The following LLGL2 variants were observed in gnomAD, a reference collection of about 807,000 sequenced individuals.
LLGL2 encodes LLGL scribble cell polarity complex component 2, also known as LLGL2, scribble cell polarity complex component.
LLGL2 carries 81 observed loss-of-function variants against 123.2 expected under a neutral mutation model. The observed-to-expected ratio is 0.66, with a 90% CI of 0.55 to 0.79. The LOEUF (loss-of-function observed/expected upper bound fraction) is 0.79. LLGL2 is among the 30% of genes least tolerant of loss of function. LLGL2 has a pLI of 0.00. For synonymous variants in LLGL2, 577 were observed against 594.1 expected (o/e 0.97, Z 0.42); for missense variants, 1,273 against 1,414.6 (o/e 0.90, Z 1.61).
At chr17:75,557,108 G>A (rs1033670805) in intron 3 of LLGL2, among the ~76,000 whole-genome samples, 4 of 147,194 alleles carry the variant, frequency 2.7e-5, no homozygotes, top group Non-Finnish European at 5.9e-5. Flanking sequence ...TGAACTCCTG[G>A]GCTCAAGCAA....
intron 10 of LLGL2, chr17:75,568,026 T>G: frequency 2.9e-5 from 30 of 1,019,288 alleles, no homozygotes; most frequent in Non-Finnish European, 3.3e-5. Flanking sequence ...CAGGCCTGAG[T>G]GAGGTGATGT....
chr17:75,547,202 TC>T (rs2054470375), intron 2 of LLGL2, among the ~76,000 whole-genome samples: 1 of 152,220 alleles, frequency 6.6e-6, no homozygotes, highest in South Asian at 2.1e-4. Flanking sequence ...ACGTCTTGTT[TC>T]TTTGGCTTCA....
Position 75,558,167 on chromosome 17 carries a change from A to G in LLGL2, c.186A>G (p.Pro62=), listed in dbSNP as rs2055004136. The G allele has an allele frequency of 6.2e-7, 1 of 1,613,762 alleles. No individual in the cohort carries two copies. Residue 62 remains proline (P), a synonymous_variant, in exon 4 of 26, where the codon CCA becomes CCG. Coordinates refer to ENST00000392550, the MANE Select transcript of LLGL2 (RefSeq NM_001031803.2). The surrounding 1 kb of genome is among the most constrained non-coding windows in gnomAD (Gnocchi z 4.0). The stretch of plus-strand genomic sequence containing the variant: ...AGCCTACTCCTAGCTACGGAGCCCC[A>G]GGCGTGGAGTTCATGGGGCTGCACC... ...RSGAIKLYGA[P]GVEFMGLHQE...
chr17:75,557,961 T>C, intron 3 of LLGL2, 194 bp from the exon 4 acceptor site: 5 of 695,534 alleles, frequency 7.2e-6, no homozygotes, highest in Non-Finnish European at 1.3e-5. Flanking sequence ...ATCAGGTCAC[T>C]GGCCTGGTGC....
chr17:75,570,864 C>A, intron 16 of LLGL2, 86 bp from the exon 17 acceptor site: 2 of 1,473,938 alleles, frequency 1.4e-6, no homozygotes, highest in Non-Finnish European at 1.8e-6. Context: ...GGCCTGCCTT[C>A]CGATGCAAGG....
At chr17:75,554,830 A>T (rs1010303991) in intron 2 of LLGL2, among the ~76,000 whole-genome samples, 1 of 150,616 alleles carries the variant, frequency 6.6e-6, no homozygotes, top group Non-Finnish European at 1.5e-5. Context: ...CGGAGCTTAT[A>T]GTGAGCTGAG....
rs149399124 is a variant in LLGL2, at chr17:75,570,145, G to A, written c.1764G>A (p.Pro588=). 48 of 1,591,516 alleles carry A rather than the reference G, an allele frequency of 3.0e-5. No homozygotes were observed. Among genetic ancestry groups the A allele is most frequent in the South Asian group, 1.8e-4 (16 of 88,430 alleles). Residue 588 remains proline (P), a synonymous_variant, in exon 15 of 26, where the codon CCG becomes CCA. Transcript: ENST00000392550. ...QPFVLVQCQP[P]AVVTSLALHS... is the part of the protein sequence containing the mutation. Reference sequence around the variant, plus strand: ...TCGTGTTGGTGCAGTGTCAGCCCCCGGCTGTGGTCACCTCCTTGGCCCTGC... The same window carrying A: ...TCGTGTTGGTGCAGTGTCAGCCCCCAGCTGTGGTCACCTCCTTGGCCCTGC...
At chr17:75,554,749 C>T (rs1448709051) in intron 2 of LLGL2, among the ~76,000 whole-genome samples, 1 of 147,076 alleles carries the variant, frequency 6.8e-6, no homozygotes, top group African/African-American at 2.5e-5. Flanking sequence ...ATTAGCCGGG[C>T]GTGGTGGCGG....
chr17:75,538,877 G>T (rs995112770), intron 1 of LLGL2, among the ~76,000 whole-genome samples: 6 of 151,920 alleles, frequency 3.9e-5, no homozygotes, highest in African/African-American at 1.5e-4. Flanking sequence ...CTGGATCTTC[G>T]CATCCTCTTT....
intron 2 of LLGL2, among the ~76,000 whole-genome samples, chr17:75,548,711 G>A (rs901649256): frequency 1.3e-5 from 2 of 150,120 alleles, no homozygotes; most frequent in African/African-American, 2.5e-5. Context: ...AGCCAAGATC[G>A]CGCCATTGCA....
In LLGL2 at chr17:75,573,121, C is replaced by G. The variant is rs758645564; in HGVS notation, c.2568C>G (p.Ala856=). ...TGGCCCACTTCGGCAGTCGTCGAGC[C>G]GAGGACTACGGGGAGCACCACCTGG... ...VSVAHFGSRR[A]EDYGEHHLAV... Residue 856 remains alanine, a synonymous_variant, in exon 20 of 26, where the codon GCC becomes GCG. Transcript: ENST00000392550. 1 of 1,613,006 alleles carries G rather than the reference C, an allele frequency of 6.2e-7. No individual in the cohort carries two copies.
At chr17:75,572,681 A>G (rs1348383525) in intron 19 of LLGL2, among the ~76,000 whole-genome samples, 3 of 147,590 alleles carry the variant, frequency 2.0e-5, no homozygotes, top group Non-Finnish European at 4.5e-5. Context: ...AAAAAAAAAA[A>G]CCAGCATGGT....
intron 1 of LLGL2, among the ~76,000 whole-genome samples, chr17:75,538,948 A>G (rs2054107723): frequency 6.6e-6 from 1 of 151,898 alleles, no homozygotes; most frequent in South Asian, 2.1e-4. Flanking sequence ...GCTGGAGTGC[A>G]GTGGTACAGT....
intron 1 of LLGL2, 33 bp from the exon 2 acceptor site, chr17:75,543,364 G>C: frequency 1.3e-6 from 2 of 1,506,328 alleles, no homozygotes; most frequent in Non-Finnish European, 1.8e-6. Context: ...TGAGTGCCAG[G>C]ACAGACCCCT....
In LLGL2 at chr17:75,569,149, G is replaced by A. The variant is rs755974967; in HGVS notation, c.1476+18G>A. On this transcript the variant is annotated intron_variant, in intron 13 of 25. Transcript: ENST00000392550. The stretch of plus-strand genomic sequence containing the variant: ...TCCGCAAGGTGAGGCCAGGAGCCTG[G>A]GACCCAGGAAGGGCAGAGGCCAGCT... 4.3e-6 allele frequency: 7 copies of A among 1,612,990 alleles called. No homozygotes were observed. Among genetic ancestry groups the A allele is most frequent in the Admixed American group, 1.7e-5 (1 of 59,986 alleles).
At chr17:75,567,889 C>T (rs1267601834) in intron 10 of LLGL2, 3 of 217,242 alleles carry the variant, frequency 1.4e-5, no homozygotes, top group Non-Finnish European at 2.3e-5. Context: ...TGCAATGAGC[C>T]GAGATCACAC....
intron 1 of LLGL2, among the ~76,000 whole-genome samples, chr17:75,533,311 T>C (rs1410900533): frequency 5.6e-5 from 7 of 124,912 alleles, no homozygotes; most frequent in Non-Finnish European, 1.1e-4. Flanking sequence ...TTTTTTTTTT[T>C]TTTTTTTTTT....
chr17:75,526,613 G>C (rs1416647203), intron 1 of LLGL2, among the ~76,000 whole-genome samples: 1 of 152,138 alleles, frequency 6.6e-6, no homozygotes, highest in Non-Finnish European at 1.5e-5. Context: ...GAACAGGTGA[G>C]CTTTGAGTGA....
rs377655629 is a variant in LLGL2 at position 75,564,794 on chromosome 17, G to T, written c.1036+287G>T. The T allele has an allele frequency of 1.1e-3, 383 of 361,656 alleles. 9 individuals are homozygous for T. The South Asian group carries it at 0.026, about 24-fold the overall frequency. 22.4% of individuals were successfully genotyped at this position (361,656 alleles called of 1,614,324 possible). A position where few individuals can be genotyped will look rare whatever the true frequency, so the allele number is the denominator to read the frequency against. ...TGGGAGGATCACTTGAGCCTGGGAG[G>T]TGGAGGTTGCAGCGAACCAGGATCA... is the stretch of plus-strand genomic sequence containing the variant. On this transcript the variant is annotated intron_variant, in intron 10 of 25. Coordinates refer to ENST00000392550, the MANE Select transcript of LLGL2 (RefSeq NM_001031803.2). This position sits in a 1 kb window ranked among gnomAD's most constrained non-coding sequence, Gnocchi z 4.9.
Sources: allele counts gnomAD v4.1 joint callset (sites outside exome capture counted in the v4.1 genomes callset), GRCh38; gene constraint gnomAD v4.1.1; non-coding constraint Gnocchi (gnomAD v3.1); transcripts MANE v1.5; gene names NCBI Gene and HGNC (gene_info 2026-07-23, HGNC 2026-07-21).